Variants in GFOD1 observed in about 807,000 individuals in gnomAD.
The protein encoded by GFOD1 is glucose-fructose oxidoreductase domain-containing protein 1.
Under a neutral mutation model 25.4 loss-of-function variants are expected in GFOD1, and 9 were observed. That is an observed-to-expected ratio of 0.35 (90% CI 0.21 to 0.62). The LOEUF (loss-of-function observed/expected upper bound fraction) is 0.62, where lower values mean the gene tolerates loss of function less well. Among genes scored for constraint, GFOD1 ranks in the 20% least tolerant of loss-of-function variants. GFOD1 has a pLI of 0.72. For missense variants in GFOD1, 403 were observed against 556.9 expected (o/e 0.72, Z 2.78); for synonymous variants, 253 against 245.6 (o/e 1.03, Z -0.28).
Position 13,486,787 on chromosome 6 carries a change from G to T in GFOD1, c.104C>A (p.Thr35Lys), listed in dbSNP as rs1196891927. The T allele has an allele frequency of 1.9e-6, 3 of 1,614,088 alleles. No individual in the cohort carries two copies. The highest frequency in any genetic ancestry group is 1.7e-5 in the Admixed American group (1 of 60,030). The change falls in exon 1 of 2, where the codon ACG becomes AAG. Residue 35 changes from threonine (T) to lysine (K), a missense_variant. Coordinates refer to ENST00000379287, the MANE Select transcript of GFOD1 (RefSeq NM_018988.4). ...GFAVKALWGR[T>K]QEEAEELAKE... is the part of the protein sequence containing the mutation. ...GGCCAGCTCCTCCGCTTCTTCCTGCGTGCGGCCCCACAGCGCCTTCACCGC... is the reference window on the plus strand; with the variant it reads ...GGCCAGCTCCTCCGCTTCTTCCTGCTTGCGGCCCCACAGCGCCTTCACCGC...
intron 1 of GFOD1, among the ~76,000 whole-genome samples, chr6:13,428,205 A>AC (rs1167838240): frequency 6.6e-6 from 1 of 152,094 alleles, no homozygotes; most frequent in African/African-American, 2.4e-5. Flanking sequence ...AGGAAAACCA[A>AC]CCCACTTTGC....
intron 1 of GFOD1, among the ~76,000 whole-genome samples, chr6:13,418,823 A>G (rs925475642): frequency 1.3e-5 from 2 of 152,242 alleles, no homozygotes; most frequent in Non-Finnish European, 2.9e-5. Flanking sequence ...GGAATAAAAA[A>G]GAAGGTCTCC....
At chr6:13,374,359 A>G (rs942805950) in intron 1 of GFOD1, among the ~76,000 whole-genome samples, 36 of 147,846 alleles carry the variant, frequency 2.4e-4, no homozygotes, top group African/African-American at 7.8e-4. Context: ...GCTGGAGTGC[A>G]GTGGTACAAT....
chr6:13,364,845 G>A lies in GFOD1; in HGVS notation c.1071C>T (p.Gly357=), dbSNP rs2127554260. ...TCATGATGGCAATGTTCTGCCACTCGCCCGTCTGGCTGGACCTCTTGATGG... is the reference window on the plus strand; with the variant it reads ...TCATGATGGCAATGTTCTGCCACTCACCCGTCTGGCTGGACCTCTTGATGG... ...VDTIKRSSQT[G]EWQNIAIMTE... The change falls in exon 2 of 2, where the codon GGC becomes GGT. Residue 357 remains glycine (G), a synonymous_variant. Coordinates refer to ENST00000379287, the MANE Select transcript of GFOD1 (RefSeq NM_018988.4). This position sits in a 1 kb window ranked among gnomAD's most constrained non-coding sequence, Gnocchi z 4.1. 4.3e-6 allele frequency: 7 copies of A among 1,614,016 alleles called. 1 individual carries two copies. The highest frequency in any genetic ancestry group is 5.9e-6 in the Non-Finnish European group (7 of 1,180,030).
intron 1 of GFOD1, among the ~76,000 whole-genome samples, chr6:13,456,634 T>C (rs1053293557): frequency 1.3e-5 from 2 of 152,210 alleles, no homozygotes; most frequent in Non-Finnish European, 2.9e-5. Flanking sequence ...AATAAATATA[T>C]AGACAGATTA....
chr6:13,459,471 C>T (rs1758254189), intron 1 of GFOD1, among the ~76,000 whole-genome samples: 1 of 151,822 alleles, frequency 6.6e-6, no homozygotes, highest in African/African-American at 2.4e-5. Context: ...ATGAAACTGC[C>T]AAAAGCAATT....
rs9474163 is a variant in GFOD1 at position 13,423,047 on chromosome 6, A to G, written c.254-57385T>C. On this transcript the variant is annotated intron_variant, in intron 1 of 1. Transcript: ENST00000379287. ...GGAATGAACAGGCCACTTACAAAGT[A>G]CTGCATGTCCGACGGTGGCAGAGAC... Among the ~76,000 whole-genome samples, 413 of 152,328 alleles carry G rather than the reference A, an allele frequency of 2.7e-3. 2 individuals are homozygous for G. The highest frequency in any genetic ancestry group is 9.2e-3 in the African/African-American group (383 of 41,558).
At chr6:13,372,797 C>T (rs73723286) in intron 1 of GFOD1, among the ~76,000 whole-genome samples, 3,972 of 152,280 alleles carry the variant, frequency 0.026, 143 homozygotes, top group African/African-American at 0.084. Context: ...TCACACAATC[C>T]CTGATCTAAT....
At chr6:13,401,226 A>C (rs1272025258) in intron 1 of GFOD1, among the ~76,000 whole-genome samples, 2 of 152,244 alleles carry the variant, frequency 1.3e-5, no homozygotes, top group African/African-American at 4.8e-5. Flanking sequence ...TAGAAAACGG[A>C]GGAGACTTGA....
chr6:13,424,956 C>CTTTTTTTTTT (rs571287840), intron 1 of GFOD1, among the ~76,000 whole-genome samples: 1 of 123,874 alleles, frequency 8.1e-6, no homozygotes, highest in African/African-American at 3.2e-5. Flanking sequence ...ACATTTAATT[C>CTTTTTTTTTT]TTTTTTTTTT....
At chr6:13,370,066 A>G (rs1785119937) in intron 1 of GFOD1, among the ~76,000 whole-genome samples, 2 of 152,260 alleles carry the variant, frequency 1.3e-5, no homozygotes, top group Admixed American at 1.3e-4. Context: ...CAGCACTCAC[A>G]ATAATGGAAA....
Position 13,364,671 on chromosome 6 carries a change from C to G in GFOD1, c.*72G>C. On this transcript the variant is annotated 3_prime_UTR_variant, in exon 2 of 2. Coordinates refer to ENST00000379287, the MANE Select transcript of GFOD1 (RefSeq NM_018988.4). This position sits in a 1 kb window ranked among gnomAD's most constrained non-coding sequence, Gnocchi z 4.1. The stretch of plus-strand genomic sequence containing the variant: ...TCCCCACATTCCCCATGGTCACCCT[C>G]TCCCCTCGGCCCTTCCCTCTCTGTG... 7.8e-7 allele frequency: 1 copy of G among 1,284,036 alleles called. No homozygotes were observed. The highest frequency in any genetic ancestry group is 1.9e-5 in the Admixed American group (1 of 51,556). The allele number at this position is 1,284,036 out of a possible 1,614,324, so 79.5% of individuals were successfully genotyped here.
intron 1 of GFOD1, among the ~76,000 whole-genome samples, chr6:13,436,517 C>A (rs1238802571): frequency 1.3e-5 from 2 of 152,180 alleles, no homozygotes; most frequent in Non-Finnish European, 2.9e-5. Flanking sequence ...ATATGCAAAT[C>A]TAAATTATGG....
chr6:13,439,299 T>C (rs565826358), intron 1 of GFOD1, among the ~76,000 whole-genome samples: 1 of 152,358 alleles, frequency 6.6e-6, no homozygotes, highest in African/African-American at 2.4e-5. Context: ...CCTGTAGGTC[T>C]AAGAAAGTGG....
At chr6:13,414,916 T>C (rs1364304319) in intron 1 of GFOD1, among the ~76,000 whole-genome samples, 3 of 152,168 alleles carry the variant, frequency 2.0e-5, no homozygotes, top group Non-Finnish European at 4.4e-5. Context: ...GTAAAGGCCA[T>C]TGTAATCCCA....
intron 1 of GFOD1, among the ~76,000 whole-genome samples, chr6:13,370,219 C>G (rs1562194807): frequency 6.6e-6 from 1 of 152,162 alleles, no homozygotes. Flanking sequence ...GTTGCCAGGT[C>G]TTCTTGCTCC....
At chr6:13,366,604 G>A (rs372433115) in intron 1 of GFOD1, among the ~76,000 whole-genome samples, 19 of 152,142 alleles carry the variant, frequency 1.2e-4, no homozygotes, top group Admixed American at 3.3e-4. Context: ...AAAGTTCTGG[G>A]ATTACAGGCG....
intron 1 of GFOD1, among the ~76,000 whole-genome samples, chr6:13,460,517 T>C (rs1758273106): frequency 6.6e-6 from 1 of 152,160 alleles, no homozygotes; most frequent in Non-Finnish European, 1.5e-5. Context: ...TGCAGAAACA[T>C]GGATGGAGCT....
intron 1 of GFOD1, among the ~76,000 whole-genome samples, chr6:13,464,577 T>C (rs1347629757): frequency 6.6e-6 from 1 of 152,206 alleles, no homozygotes; most frequent in East Asian, 1.9e-4. Context: ...CAGCCAGATA[T>C]TGGGTGACAC....
Sources: allele counts gnomAD v4.1 joint callset (sites outside exome capture counted in the v4.1 genomes callset), GRCh38; gene constraint gnomAD v4.1.1; non-coding constraint Gnocchi (gnomAD v3.1); transcripts MANE v1.5; gene names NCBI Gene and HGNC (gene_info 2026-07-23, HGNC 2026-07-21).